The following RIT2 variants were observed in gnomAD, a reference collection of about 807,000 sequenced individuals.
RIT2 encodes GTP-binding protein Rit2.
RIT2 carries 24 observed loss-of-function variants against 23.7 expected under a neutral mutation model. The ratio of observed to expected loss-of-function variants is 1.01; its 90% CI spans 0.73 to 1.43. The LOEUF is 1.43. Among genes scored for constraint, RIT2 ranks in the 40% most tolerant of loss-of-function variants. The pLI, the probability that RIT2 is intolerant of heterozygous loss-of-function variation, is 0.00. For missense variants in RIT2, 236 were observed against 266.9 expected, an observed-to-expected ratio of 0.88 and a Z score of 0.81; for synonymous variants, 107 against 91.1, an observed-to-expected ratio of 1.17 and a Z score of -0.99.
At chr18:42,791,203 TTTC>T (rs1442976249) in intron 4 of RIT2, among the ~76,000 whole-genome samples, 2 of 152,228 alleles carry the variant, frequency 1.3e-5, no homozygotes, top group Non-Finnish European at 2.9e-5. Flanking sequence ...ATTTTCTTTT[TTTC>T]TTAATTACAC....
At chr18:43,002,318 A>G (rs1395685301) in intron 2 of RIT2, among the ~76,000 whole-genome samples, 1 of 151,892 alleles carries the variant, frequency 6.6e-6, no homozygotes, top group East Asian at 1.9e-4. Context: ...CTGGCAGCTG[A>G]TCAGATTGTG....
At chr18:42,800,094 A>T (rs116308008) in intron 4 of RIT2, among the ~76,000 whole-genome samples, 2,465 of 152,332 alleles carry the variant, frequency 0.016, 74 homozygotes, top group African/African-American at 0.057. Context: ...ACATTGGTTA[A>T]TCAAAAGAAT....
intron 2 of RIT2, 82 bp from the exon 3 acceptor site, chr18:42,974,229 C>A (rs963028829): frequency 3.5e-6 from 3 of 865,388 alleles, no homozygotes; most frequent in Admixed American, 4.3e-5. Context: ...AGAAGAATTT[C>A]TAAGTAAGTT....
intron 4 of RIT2, among the ~76,000 whole-genome samples, chr18:42,842,175 T>C (rs1906785380): frequency 6.6e-6 from 1 of 152,210 alleles, no homozygotes; most frequent in Non-Finnish European, 1.5e-5. Flanking sequence ...TCTGTGTTGA[T>C]GCAGGTCTGA....
chr18:42,982,698 C>T (rs1284243871), intron 2 of RIT2, among the ~76,000 whole-genome samples: 1 of 152,078 alleles, frequency 6.6e-6, no homozygotes, highest in Non-Finnish European at 1.5e-5. Flanking sequence ...ACTTTCAGGA[C>T]TATGGCATTG....
At chr18:42,871,403 CAT>C (rs889014412) in intron 4 of RIT2, among the ~76,000 whole-genome samples, 7 of 152,062 alleles carry the variant, frequency 4.6e-5, no homozygotes, top group African/African-American at 9.7e-5. Context: ...TGCACACACA[CAT>C]ATATTCTAGC....
chr18:42,811,956 T>G (rs1905860971), intron 4 of RIT2, among the ~76,000 whole-genome samples: 1 of 152,166 alleles, frequency 6.6e-6, no homozygotes, highest in Non-Finnish European at 1.5e-5. Context: ...TGAATCATTC[T>G]TCATAAATAT....
At chr18:42,831,055 C>A (rs1906443744) in intron 4 of RIT2, among the ~76,000 whole-genome samples, 2 of 152,156 alleles carry the variant, frequency 1.3e-5, no homozygotes, top group African/African-American at 4.8e-5. Context: ...GACCTCCTGA[C>A]CATGATGTAT....
intron 1 of RIT2, among the ~76,000 whole-genome samples, chr18:43,049,644 A>G (rs540904728): frequency 1.3e-5 from 2 of 151,924 alleles, no homozygotes; most frequent in East Asian, 3.9e-4. Context: ...CCTTGGGGAG[A>G]ATTAATTATT....
chr18:42,889,504 T>G (rs1011362335), intron 4 of RIT2, among the ~76,000 whole-genome samples: 1 of 152,132 alleles, frequency 6.6e-6, no homozygotes, highest in African/African-American at 2.4e-5. Context: ...TTTAATTTCT[T>G]GACATTTCTG....
At chr18:43,027,119 C>T (rs2144275144) in intron 2 of RIT2, among the ~76,000 whole-genome samples, 1 of 138,644 alleles carries the variant, frequency 7.2e-6, no homozygotes, top group Non-Finnish European at 1.5e-5. Context: ...TAATATTATC[C>T]TTGGACTAGC....
chr18:43,023,673 G>T (rs1024985964), intron 2 of RIT2, among the ~76,000 whole-genome samples: 5 of 152,024 alleles, frequency 3.3e-5, no homozygotes, highest in African/African-American at 1.2e-4. Context: ...TTGATTCTCT[G>T]CTATAAACCA....
At position 42,743,439 on chromosome 18, in the gene RIT2, G is replaced by A. The variant is rs1912839220; in HGVS notation, c.*54C>T. On this transcript the variant is annotated 3_prime_UTR_variant, in exon 5 of 5. Coordinates refer to ENST00000326695, the MANE Select transcript of RIT2 (RefSeq NM_002930.4). ...ATATTGAAGCAGAATGCTACATATG[G>A]AATTGTCCAACTAATAAAATTCAGA... 2 of 1,249,334 alleles carry A rather than the reference G, an allele frequency of 1.6e-6. No homozygotes were observed. The highest frequency in any genetic ancestry group is 2.3e-6 in the Non-Finnish European group (2 of 854,806). 77.4% of individuals were successfully genotyped at this position (1,249,334 alleles called of 1,614,324 possible).
At chr18:42,890,495 G>A (rs1479465871) in intron 4 of RIT2, among the ~76,000 whole-genome samples, 1 of 151,176 alleles carries the variant, frequency 6.6e-6, no homozygotes, top group African/African-American at 2.4e-5. Flanking sequence ...GAGTCAAGGA[G>A]GGAGGGAGGG....
intron 2 of RIT2, among the ~76,000 whole-genome samples, chr18:42,997,270 A>T (rs998406988): frequency 4.6e-5 from 7 of 152,116 alleles, no homozygotes; most frequent in African/African-American, 1.7e-4. Flanking sequence ...AAACTCAAAG[A>T]TGTATTTTTG....
chr18:42,867,614 T>C (rs1907507877), intron 4 of RIT2, among the ~76,000 whole-genome samples: 1 of 143,654 alleles, frequency 7.0e-6, no homozygotes, highest in Non-Finnish European at 1.5e-5. Context: ...AACGAGGCCC[T>C]ATTTCTGCCA....
At chr18:42,943,768 A>C (rs546413711) in intron 3 of RIT2, among the ~76,000 whole-genome samples, 1 of 152,132 alleles carries the variant, frequency 6.6e-6, no homozygotes, top group Non-Finnish European at 1.5e-5. Context: ...GTTTCCAAGA[A>C]CCTGTCAATG....
In RIT2 at chr18:42,856,825, CTCTTTT is replaced by C. The variant is rs1250650844; in HGVS notation, c.426+66741_426+66746del. 4.3e-4 allele frequency among the ~76,000 whole-genome samples: 55 copies of C among 128,024 alleles called. 1 individual carries two copies. Among genetic ancestry groups the C allele is most frequent in the African/African-American group, 1.7e-3 (52 of 30,822 alleles). 84.0% of individuals were successfully genotyped at this position (128,024 alleles called of 152,430 possible). On this transcript the variant is annotated intron_variant, in intron 4 of 4. Transcript: ENST00000326695. Reference sequence around the variant, plus strand: ...AGAAGTCTTTTTCTTTTCTCTCTCTCTCTTTTTTTTTTTTTTTTTTTTGAGACGGAG... The same window carrying C: ...AGAAGTCTTTTTCTTTTCTCTCTCTCTTTTTTTTTTTTTTTTGAGACGGAG...
At chr18:42,857,935 C>A (rs139066627) in intron 4 of RIT2, among the ~76,000 whole-genome samples, 1 of 152,146 alleles carries the variant, frequency 6.6e-6, no homozygotes, top group Non-Finnish European at 1.5e-5. Context: ...AATCCCAGCA[C>A]TTTGGGAGGC....
Sources: allele counts gnomAD v4.1 joint callset (sites outside exome capture counted in the v4.1 genomes callset), GRCh38; gene constraint gnomAD v4.1.1; transcripts MANE v1.5; gene names NCBI Gene and HGNC (gene_info 2026-07-23, HGNC 2026-07-21).